The following VPS13B variants were observed in gnomAD, a reference collection of about 807,000 sequenced individuals.
VPS13B encodes the protein vacuolar protein sorting 13 homolog B.
In VPS13B, 285 loss-of-function variants were observed where a neutral mutation model predicts 426.4. That is an observed-to-expected ratio of 0.67 (90% CI 0.61 to 0.74). The LOEUF is 0.74. Ranked by LOEUF, VPS13B falls within the 30% of genes least tolerant of loss-of-function variation. The pLI, the probability that VPS13B is intolerant of heterozygous loss-of-function variation, is 0.00. For synonymous variants in VPS13B, 1,676 were observed against 1,676.4 expected (o/e 1.00, Z 0.01); for missense variants, 4,537 against 4,782.6 (o/e 0.95, Z 1.51).
At chr8:99,086,945 G>C (rs1028898383) in intron 3 of VPS13B, among the ~76,000 whole-genome samples, 1 of 152,184 alleles carries the variant, frequency 6.6e-6, no homozygotes, top group African/African-American at 2.4e-5. Context: ...TCTCAGATCT[G>C]CAGCTGTGTG....
At chr8:99,473,526 G>A (rs1819524779) in intron 24 of VPS13B, among the ~76,000 whole-genome samples, 1 of 152,028 alleles carries the variant, frequency 6.6e-6, no homozygotes. Flanking sequence ...CAAACTGATA[G>A]AGATCATATA....
At chr8:99,528,199 CA>C (rs1822751511) in intron 30 of VPS13B, among the ~76,000 whole-genome samples, 1 of 151,990 alleles carries the variant, frequency 6.6e-6, no homozygotes, top group African/African-American at 2.4e-5. Flanking sequence ...TATGTGTAAG[CA>C]GTTTGACTTG....
intron 19 of VPS13B, among the ~76,000 whole-genome samples, chr8:99,379,577 A>G (rs1023652809): frequency 6.6e-5 from 10 of 152,048 alleles, no homozygotes; most frequent in East Asian, 1.9e-4. Context: ...CCTTCATCAC[A>G]TGTTCTTATT....
At chr8:99,065,975 C>T (rs1245996098) in intron 3 of VPS13B, among the ~76,000 whole-genome samples, 2 of 152,166 alleles carry the variant, frequency 1.3e-5, no homozygotes, top group Non-Finnish European at 2.9e-5. Context: ...AGGAGAACTA[C>T]AAACCACTGC....
At chr8:99,601,363 T>G (rs1272875699) in intron 33 of VPS13B, among the ~76,000 whole-genome samples, 1 of 152,228 alleles carries the variant, frequency 6.6e-6, no homozygotes, top group Non-Finnish European at 1.5e-5. Context: ...TATTCCATGG[T>G]GTATATGTGC....
intron 23 of VPS13B, among the ~76,000 whole-genome samples, chr8:99,463,838 G>A (rs779546110): frequency 7.2e-5 from 11 of 151,958 alleles, no homozygotes; most frequent in Admixed American, 2.6e-4. Flanking sequence ...GATTACAGGC[G>A]TGCACCACCA....
intron 29 of VPS13B, among the ~76,000 whole-genome samples, chr8:99,513,689 A>G (rs1401408549): frequency 6.6e-6 from 1 of 152,216 alleles, no homozygotes; most frequent in African/African-American, 2.4e-5. Flanking sequence ...TTCACACCAC[A>G]AAATATCAAT....
intron 21 of VPS13B, among the ~76,000 whole-genome samples, chr8:99,420,143 T>C (rs1816289364): frequency 6.6e-6 from 1 of 152,192 alleles, no homozygotes; most frequent in Non-Finnish European, 1.5e-5. Flanking sequence ...AGAAAGGGCT[T>C]AATTCTAAGA....
At chr8:99,563,998 A>G (rs16897453) in intron 31 of VPS13B, among the ~76,000 whole-genome samples, 26,728 of 152,096 alleles carry the variant, frequency 0.18, 2,849 homozygotes, top group East Asian at 0.38. Flanking sequence ...TACTTCCCTG[A>G]CCAATATTAA....
At chr8:99,205,290 T>C (rs1294267215) in intron 17 of VPS13B, among the ~76,000 whole-genome samples, 1 of 151,962 alleles carries the variant, frequency 6.6e-6, no homozygotes, top group East Asian at 1.9e-4. Flanking sequence ...CACTCATAAG[T>C]TGGAGCTGAA....
At chr8:99,115,506 G>A (rs765742753) in intron 6 of VPS13B, among the ~76,000 whole-genome samples, 194 bp from the exon 7 acceptor site, 7 of 151,966 alleles carry the variant, frequency 4.6e-5, no homozygotes, top group Admixed American at 2.0e-4. Flanking sequence ...TCTATCTAAC[G>A]TGTATTGATC....
At chr8:99,623,315 C>T (rs1216342211) in intron 33 of VPS13B, among the ~76,000 whole-genome samples, 2 of 152,194 alleles carry the variant, frequency 1.3e-5, no homozygotes, top group Non-Finnish European at 1.5e-5. Context: ...TTTAAAACTA[C>T]AGTCTTCCTG....
At chr8:99,446,028 A>G (rs1376908755) in intron 23 of VPS13B, among the ~76,000 whole-genome samples, 1 of 152,200 alleles carries the variant, frequency 6.6e-6, no homozygotes, top group African/African-American at 2.4e-5. Flanking sequence ...TGTTCCAATA[A>G]AACTTTATTT....
intron 19 of VPS13B, among the ~76,000 whole-genome samples, chr8:99,354,263 T>G (rs890281901): frequency 8.1e-6 from 1 of 123,692 alleles, no homozygotes; most frequent in East Asian, 2.5e-4. Context: ...CCCCTCCCCC[T>G]GCCTTTTTTT....
chr8:99,383,279 A>T (rs1297224002), intron 19 of VPS13B, among the ~76,000 whole-genome samples: 1 of 152,112 alleles, frequency 6.6e-6, no homozygotes, highest in African/African-American at 2.4e-5. Flanking sequence ...TTGAACATTA[A>T]AAGTTGTAAT....
At chr8:99,317,817 G>A (rs1024793999) in intron 19 of VPS13B, among the ~76,000 whole-genome samples, 1 of 152,076 alleles carries the variant, frequency 6.6e-6, no homozygotes, top group Non-Finnish European at 1.5e-5. Context: ...CATTAATGAG[G>A]ATATGTAACA....
chr8:99,084,772 G>T (rs761860639), intron 3 of VPS13B, among the ~76,000 whole-genome samples: 1 of 152,228 alleles, frequency 6.6e-6, no homozygotes, highest in African/African-American at 2.4e-5. Context: ...CTTTGAGTGA[G>T]TTTCTGAATC....
chr8:99,519,822 G>A (rs1822276929), intron 29 of VPS13B, among the ~76,000 whole-genome samples: 1 of 151,220 alleles, frequency 6.6e-6, no homozygotes, highest in African/African-American at 2.4e-5. Context: ...GAGGGTGGAT[G>A]GATAGCATTA....
At chr8:99,155,111 T>A (rs1382442064) in intron 14 of VPS13B, among the ~76,000 whole-genome samples, 3 of 150,570 alleles carry the variant, frequency 2.0e-5, no homozygotes, top group Non-Finnish European at 4.4e-5. Context: ...AACTGGAAAA[T>A]GTAAGGATAC....
Sources: gnomAD v4.1 joint callset for allele counts (sites outside exome capture counted in the v4.1 genomes callset) on GRCh38, gnomAD v4.1.1 for gene constraint, MANE v1.5 for transcripts, NCBI Gene and HGNC (gene_info 2026-07-23, HGNC 2026-07-21) for gene names.